The following NRXN1 variants were observed in gnomAD, a reference collection of about 807,000 sequenced individuals.
NRXN1 encodes neurexin-1.
Under a neutral mutation model 150.9 loss-of-function variants are expected in NRXN1, and 39 were observed. The observed-to-expected ratio is 0.26, with a 90% confidence interval of 0.20 to 0.34. The LOEUF is 0.34. Ranked by LOEUF, NRXN1 falls within the 10% of genes least tolerant of loss-of-function variation. The pLI is 1.00. For missense variants in NRXN1, 1,815 were observed against 1,949.9 expected (o/e 0.93, Z 1.30); for synonymous variants, 924 against 757.0 (o/e 1.22, Z -3.62).
In NRXN1 at chr2:50,790,135, CCA is replaced by C. The variant is rs61580117; in HGVS notation, c.832+131732_832+131733del. ...TTTTAACTCTCCTTATTCCCTCCCA[CCA>C]CACACACACACACACACACACACAC... On this transcript the variant is annotated intron_variant, in intron 5 of 22. Coordinates refer to ENST00000401669, the MANE Select transcript of NRXN1 (RefSeq NM_001330078.2). 3.3e-3 allele frequency among the ~76,000 whole-genome samples: 481 copies of C among 146,186 alleles called. 1 individual carries two copies. The highest frequency in any genetic ancestry group is 0.024 in the Middle Eastern group (7 of 288).
chr2:50,906,864 G>A (rs895897452), intron 5 of NRXN1, among the ~76,000 whole-genome samples: 3 of 151,912 alleles, frequency 2.0e-5, no homozygotes, highest in South Asian at 2.1e-4. Flanking sequence ...CATGTGTTGC[G>A]GCTCAGAACA....
intron 21 of NRXN1, chr2:49,974,316 G>A: frequency 4.2e-6 from 2 of 480,002 alleles, no homozygotes; most frequent in East Asian, 4.5e-5. Context: ...GCCCAGCCCG[G>A]CACCACTCAA....
intron 13 of NRXN1, among the ~76,000 whole-genome samples, chr2:50,501,626 G>A (rs1361202357): frequency 6.7e-6 from 1 of 149,230 alleles, no homozygotes; most frequent in Non-Finnish European, 1.5e-5. Flanking sequence ...TTCCATAAAG[G>A]ACATACACAC....
chr2:50,146,145 A>G (rs1310458490), intron 18 of NRXN1, among the ~76,000 whole-genome samples: 1 of 151,676 alleles, frequency 6.6e-6, no homozygotes, highest in Non-Finnish European at 1.5e-5. Flanking sequence ...ACTGGCAGTT[A>G]TAATTACCAT....
chr2:50,562,329 C>CAATAGATAGATA (rs143127810), intron 8 of NRXN1, among the ~76,000 whole-genome samples: 13 of 150,010 alleles, frequency 8.7e-5, no homozygotes, highest in African/African-American at 2.9e-4. Context: ...GATAGATATA[C>CAATAGATAGATA]GATAGATAGA....
chr2:50,451,778 C>T (rs991364413), intron 17 of NRXN1, among the ~76,000 whole-genome samples: 1 of 152,108 alleles, frequency 6.6e-6, no homozygotes, highest in Non-Finnish European at 1.5e-5. Context: ...AGGCATACAT[C>T]TTAAGTACAG....
intron 8 of NRXN1, among the ~76,000 whole-genome samples, chr2:50,587,090 A>G (rs774527441): frequency 1.3e-5 from 2 of 152,414 alleles, no homozygotes; most frequent in East Asian, 1.9e-4. Flanking sequence ...CTTGGGCGAG[A>G]CACAATCTTT....
rs562077363 is a variant in NRXN1, at chr2:50,429,025, C to T, written c.3364+36417G>A. ...CTACATTCTTTGACCATTGTTTTTA[C>T]TCATGTATTTTCCCATGAAAGAACA... On this transcript the variant is annotated intron_variant, in intron 17 of 22. Coordinates refer to ENST00000401669, the MANE Select transcript of NRXN1 (RefSeq NM_001330078.2). 4.6e-5 allele frequency among the ~76,000 whole-genome samples: 7 copies of T among 152,174 alleles called. No homozygotes were observed. The South Asian group carries it at 1.5e-3, about 32-fold the overall frequency.
chr2:51,029,451 G>T (rs554725555), intron 1 of NRXN1, among the ~76,000 whole-genome samples: 18 of 152,292 alleles, frequency 1.2e-4, no homozygotes, highest in South Asian at 4.1e-4. Flanking sequence ...GTTTTAAAGA[G>T]AAATTTGATT....
At chr2:50,503,558 A>G (rs1396863507) in intron 13 of NRXN1, among the ~76,000 whole-genome samples, 1 of 65,546 alleles carries the variant, frequency 1.5e-5, no homozygotes, top group Non-Finnish European at 3.0e-5. Flanking sequence ...AGAAATGAAA[A>G]GAAAGAAAAA....
chr2:50,120,058 C>T (rs879012916), intron 18 of NRXN1, among the ~76,000 whole-genome samples: 1 of 152,066 alleles, frequency 6.6e-6, no homozygotes, highest in Admixed American at 6.6e-5. Context: ...TTAACAGATT[C>T]TTGCTCTATT....
At chr2:50,123,885 G>A (rs553458458) in intron 18 of NRXN1, among the ~76,000 whole-genome samples, 1 of 152,214 alleles carries the variant, frequency 6.6e-6, no homozygotes, top group East Asian at 1.9e-4. Context: ...CAGATTAATT[G>A]TTGACAACCA....
In NRXN1 at chr2:50,454,950, G is replaced by A. The variant is rs2104562530; in HGVS notation, c.3364+10492C>T. 2.0e-5 allele frequency among the ~76,000 whole-genome samples: 3 copies of A among 152,198 alleles called. No homozygotes were observed. The Middle Eastern group carries it at 0.01, about 518-fold the overall frequency. ...TGATGTGAGCTGGATCATCTCCACA[G>A]GCTGAATTTTCTTAGGCAGAGCGGA... On this transcript the variant is annotated intron_variant, in intron 17 of 22. Coordinates refer to ENST00000401669, the MANE Select transcript of NRXN1 (RefSeq NM_001330078.2).
intron 18 of NRXN1, among the ~76,000 whole-genome samples, chr2:50,096,157 C>T (rs922884093): frequency 1.3e-5 from 2 of 151,958 alleles, no homozygotes; most frequent in African/African-American, 4.8e-5. Flanking sequence ...CAGGCCCGAC[C>T]CTAATTCAGA....
At chr2:50,505,054 C>T (rs1376632289) in intron 13 of NRXN1, among the ~76,000 whole-genome samples, 1 of 152,150 alleles carries the variant, frequency 6.6e-6, no homozygotes, top group Non-Finnish European at 1.5e-5. Context: ...TCATCTGTTA[C>T]TCTATGTAAC....
intron 5 of NRXN1, among the ~76,000 whole-genome samples, chr2:50,629,754 A>C (rs1681912760): frequency 2.0e-5 from 3 of 151,696 alleles, no homozygotes. Context: ...AGCTAAAATA[A>C]AGCCAATAGT....
At chr2:50,265,079 C>G (rs1346921277) in intron 17 of NRXN1, among the ~76,000 whole-genome samples, 1 of 151,534 alleles carries the variant, frequency 6.6e-6, no homozygotes, top group Non-Finnish European at 1.5e-5. Flanking sequence ...TCTTTTTTTC[C>G]AAAAACATTT....
At chr2:50,378,023 T>C (rs554805689) in intron 17 of NRXN1, among the ~76,000 whole-genome samples, 2 of 152,152 alleles carry the variant, frequency 1.3e-5, no homozygotes, top group Non-Finnish European at 2.9e-5. Flanking sequence ...CTGCCAAGAA[T>C]CATGGAATCT....
chr2:50,043,994 GA>G (rs1345934456), intron 21 of NRXN1, among the ~76,000 whole-genome samples: 3 of 152,148 alleles, frequency 2.0e-5, no homozygotes, highest in East Asian at 1.9e-4. Context: ...AAGAAGAGAA[GA>G]AAAAAGGCAA....
Sources: gnomAD v4.1 joint callset for allele counts (sites outside exome capture counted in the v4.1 genomes callset) on GRCh38, gnomAD v4.1.1 for gene constraint, MANE v1.5 for transcripts, NCBI Gene and HGNC (gene_info 2026-07-23, HGNC 2026-07-21) for gene names.